Variants in ATPAF1 observed in about 807,000 individuals in gnomAD.
ATPAF1 encodes homolog of yeast ATP11.
ATPAF1 carries 26 observed loss-of-function variants against 43.9 expected under a neutral mutation model. That is an observed-to-expected ratio of 0.59 (90% CI 0.43 to 0.82). The LOEUF is 0.82. Ranked by LOEUF, ATPAF1 falls within the 40% of genes least tolerant of loss-of-function variation. The probability of loss-of-function intolerance (pLI) is 0.00; values close to 1 mark genes in which losing one functional copy is unlikely to be tolerated. For missense variants in ATPAF1, 366 were observed against 435.0 expected (o/e 0.84, Z 1.41); for synonymous variants, 157 against 168.0 (o/e 0.93, Z 0.50).
At chr1:46,650,064 C>T (rs1309594511) in intron 6 of ATPAF1, among the ~76,000 whole-genome samples, 1 of 152,158 alleles carries the variant, frequency 6.6e-6, no homozygotes, top group African/African-American at 2.4e-5. Flanking sequence ...GAAATCATTA[C>T]TGATACCAAG....
At chr1:46,633,707 G>A (rs1016479846), downstream of ATPAF1, 28 of 456,184 alleles carry the variant, frequency 6.1e-5, no homozygotes, top group Admixed American at 5.4e-4. Flanking sequence ...GTTGGGGACT[G>A]AGGACAAATC....
Position 46,653,783 on chromosome 1 carries a change from G to T in ATPAF1, c.540+34C>A, listed in dbSNP as rs760153942. The stretch of plus-strand genomic sequence containing the variant: ...AGGTTAGAGAACTGACTTTCATGTT[G>T]TAACACTTTCACTTTGCCCTCCAAA... On this transcript the variant is annotated intron_variant, in intron 5 of 8. Coordinates refer to ENST00000574428, the Ensembl canonical transcript of ATPAF1. This position sits in a 1 kb window ranked among gnomAD's most constrained non-coding sequence, Gnocchi z 4.8. 1.0e-5 allele frequency: 16 copies of T among 1,597,334 alleles called. No homozygotes were observed. The highest frequency in any genetic ancestry group is 5.7e-5 in the South Asian group (5 of 88,340).
chr1:46,662,801 CT>C (rs1161889549), intron 2 of ATPAF1, among the ~76,000 whole-genome samples: 1 of 152,042 alleles, frequency 6.6e-6, no homozygotes, highest in Admixed American at 6.6e-5. Context: ...TTTTATTATA[CT>C]TTAAGTTTTA....
At chr1:46,655,020 G>A (rs1676243469) in intron 4 of ATPAF1, among the ~76,000 whole-genome samples, 1 of 152,068 alleles carries the variant, frequency 6.6e-6, no homozygotes, top group Admixed American at 6.6e-5. Flanking sequence ...CAATCATGGT[G>A]GAAGGGGAAG....
intron 8 of ATPAF1, 21 bp from the exon 9 acceptor site, chr1:46,635,991 T>C: frequency 3.1e-6 from 5 of 1,612,294 alleles, no homozygotes; most frequent in Non-Finnish European, 4.2e-6. Context: ...AAAAGAATAA[T>C]GAGGTCCTTT....
At chr1:46,665,012 C>T (rs1020778441) in intron 2 of ATPAF1, 1 of 479,532 alleles carries the variant, frequency 2.1e-6, no homozygotes, top group Non-Finnish European at 3.8e-6. Flanking sequence ...CTTGCCTTGA[C>T]CACCAGACTG....
At chr1:46,639,113 G>C (rs1675899940) in intron 8 of ATPAF1, among the ~76,000 whole-genome samples, 1 of 152,112 alleles carries the variant, frequency 6.6e-6, no homozygotes, top group South Asian at 2.1e-4. Context: ...TAATAGGCTA[G>C]GTCTTAAAAT....
downstream of ATPAF1, chr1:46,634,216 C>T (rs1252351917): frequency 4.3e-6 from 1 of 232,780 alleles, no homozygotes; most frequent in Non-Finnish European, 8.4e-6. Flanking sequence ...AGAAAACACA[C>T]ACACACAAAC....
chr1:46,663,848 T>G lies in ATPAF1; in HGVS notation c.375+1408A>C, dbSNP rs531276635. On this transcript the variant is annotated intron_variant, in intron 2 of 8. Coordinates refer to ENST00000574428, the Ensembl canonical transcript of ATPAF1. Reference sequence around the variant, plus strand: ...CTGTAACTACCTTAATTCAGGCTTCTGCAGCCCACACCTGGATTACTCCAT... The same window carrying G: ...CTGTAACTACCTTAATTCAGGCTTCGGCAGCCCACACCTGGATTACTCCAT... 45 of 1,231,832 alleles carry G rather than the reference T, an allele frequency of 3.7e-5. No homozygotes were observed. In the African/African-American group the frequency reaches 5.2e-4, roughly 14 times the overall value. 76.3% of individuals were successfully genotyped at this position (1,231,832 alleles called of 1,614,324 possible).
chr1:46,665,222 G>A (rs1676468304), intron 2 of ATPAF1, 34 bp downstream of exon 2: 3 of 1,605,602 alleles, frequency 1.9e-6, no homozygotes, highest in Non-Finnish European at 2.6e-6. Context: ...AGGAGTGCTG[G>A]TAAGCAAACA....
chr1:46,658,156 T>C (rs754838356), exon 4 of ATPAF1: 1 of 1,612,370 alleles, frequency 6.2e-7, no homozygotes, highest in South Asian at 1.1e-5. Flanking sequence ...GTTTTTTCTT[T>C]TACCATCTCA....
downstream of ATPAF1, chr1:46,634,975 T>A (rs920676905): frequency 6.6e-6 from 1 of 152,662 alleles, no homozygotes; most frequent in Non-Finnish European, 1.5e-5. Context: ...TGGGAACATT[T>A]GCTTTCATCC....
intron 4 of ATPAF1, among the ~76,000 whole-genome samples, chr1:46,657,496 T>C (rs1040944125): frequency 2.0e-5 from 3 of 152,170 alleles, no homozygotes; most frequent in South Asian, 2.1e-4. Flanking sequence ...TACATTTTTT[T>C]CCCATTTTTT....
chr1:46,665,032 G>A (rs1676463934), intron 2 of ATPAF1: 2 of 511,686 alleles, frequency 3.9e-6, no homozygotes, highest in South Asian at 2.7e-5. Context: ...GCTCCTCTTG[G>A]GAGCAGGAAG....
At chr1:46,648,821 A>C (rs776687203) in intron 6 of ATPAF1, among the ~76,000 whole-genome samples, 10 of 151,924 alleles carry the variant, frequency 6.6e-5, no homozygotes, top group Non-Finnish European at 1.5e-4. Flanking sequence ...TCTACTAAAA[A>C]CATAAAAATT....
At chr1:46,665,318 A>C in exon 2 of ATPAF1, 1 of 1,614,280 alleles carries the variant, frequency 6.2e-7, no homozygotes, top group Non-Finnish European at 8.5e-7. Context: ...TGCTTCCGAA[A>C]TTCACTGCGT....
upstream of ATPAF1, chr1:46,668,479 G>A (rs1221538577): frequency 7.2e-6 from 7 of 974,756 alleles, no homozygotes; most frequent in Non-Finnish European, 7.6e-6. This position sits in a 1 kb window ranked among gnomAD's most constrained non-coding sequence, Gnocchi z 4.4. Flanking sequence ...GAGGCGGGGC[G>A]GGGAGGAGGG....
chr1:46,665,149 G>A (rs1422337535), intron 2 of ATPAF1, 107 bp downstream of exon 2: 1 of 1,009,240 alleles, frequency 9.9e-7, no homozygotes, highest in East Asian at 2.4e-5. Context: ...ACTATGTTCA[G>A]TTCACCCAGC....
intron 6 of ATPAF1, among the ~76,000 whole-genome samples, chr1:46,648,706 G>A (rs755873802): frequency 1.4e-4 from 21 of 151,958 alleles, no homozygotes; most frequent in Non-Finnish European, 2.1e-4. Context: ...GGCCAGGTGC[G>A]GTGGCTCATG....
Sources: allele counts gnomAD v4.1 joint callset (sites outside exome capture counted in the v4.1 genomes callset), GRCh38; gene constraint gnomAD v4.1.1; non-coding constraint Gnocchi (gnomAD v3.1); transcripts MANE v1.5; gene names NCBI Gene and HGNC (gene_info 2026-07-23, HGNC 2026-07-21).